CSMD3: variants seen among roughly 807,000 people sequenced by gnomAD.
CSMD3 encodes CUB and sushi domain-containing protein 3.
In CSMD3, 177 loss-of-function variants were observed where a neutral mutation model predicts 435.2. That is an observed-to-expected ratio of 0.41 (90% CI 0.36 to 0.46). The LOEUF is 0.46. Ranked by LOEUF, CSMD3 falls within the 20% of genes least tolerant of loss-of-function variation. The pLI, the probability that CSMD3 is intolerant of heterozygous loss-of-function variation, is 0.34. For synonymous variants in CSMD3, 1,656 were observed against 1,520.5 expected (o/e 1.09, Z -2.07); for missense variants, 4,265 against 4,504.6 (o/e 0.95, Z 1.52).
intron 45 of CSMD3, among the ~76,000 whole-genome samples, chr8:112,329,978 C>T (rs566300368): frequency 2.0e-5 from 3 of 152,068 alleles, no homozygotes; most frequent in African/African-American, 4.8e-5. Flanking sequence ...GATGTCCATA[C>T]CCCCGTTCTC....
At chr8:112,576,358 A>T (rs142510570) in intron 23 of CSMD3, among the ~76,000 whole-genome samples, 4 of 152,204 alleles carry the variant, frequency 2.6e-5, no homozygotes, top group African/African-American at 9.6e-5. Flanking sequence ...CTAACAAAAT[A>T]AGTCAACATT....
At chr8:112,844,825 T>C (rs1356356990) in intron 11 of CSMD3, among the ~76,000 whole-genome samples, 1 of 151,976 alleles carries the variant, frequency 6.6e-6, no homozygotes, top group East Asian at 1.9e-4. Flanking sequence ...TTGCCCAGTC[T>C]CTCTTTTTCC....
Position 112,842,731 on chromosome 8 carries a change from T to C in CSMD3, c.1756-12942A>G, listed in dbSNP as rs552732408. On this transcript the variant is annotated intron_variant, in intron 11 of 70. Coordinates refer to ENST00000297405, the MANE Select transcript of CSMD3 (RefSeq NM_198123.2). ...CAACTAGGTACTTTTTATATTTGTG[T>C]ATTAGTATATGAGGAATTTTAGCAT... Among the ~76,000 whole-genome samples the C allele has an allele frequency of 3.3e-5, 5 of 151,960 alleles. No individual in the cohort carries two copies. In the East Asian group the frequency reaches 9.7e-4, roughly 29 times the overall value.
chr8:112,897,101 C>G (rs111649412), intron 10 of CSMD3, among the ~76,000 whole-genome samples: 3 of 151,542 alleles, frequency 2.0e-5, no homozygotes, highest in African/African-American at 7.2e-5. Flanking sequence ...ATTGTTTGAT[C>G]AGATAAATCT....
chr8:112,771,715 GA>G (rs1376001132), intron 13 of CSMD3, among the ~76,000 whole-genome samples: 2 of 151,910 alleles, frequency 1.3e-5, no homozygotes, highest in African/African-American at 4.8e-5. Context: ...AAAGAAACAA[GA>G]AGGAAACAAC....
intron 65 of CSMD3, among the ~76,000 whole-genome samples, chr8:112,243,019 C>T (rs147382987): frequency 6.6e-6 from 1 of 152,030 alleles, no homozygotes; most frequent in African/African-American, 2.4e-5. Context: ...GGGAGTAAAA[C>T]ATTTACTCAT....
intron 38 of CSMD3, among the ~76,000 whole-genome samples, chr8:112,357,511 A>G (rs1040361086): frequency 3.3e-5 from 5 of 152,244 alleles, no homozygotes; most frequent in Admixed American, 2.6e-4. Context: ...TCGAATGTTA[A>G]TCCCCAAGAC....
intron 35 of CSMD3, among the ~76,000 whole-genome samples, chr8:112,403,034 C>G (rs954124124): frequency 2.0e-5 from 3 of 152,054 alleles, no homozygotes; most frequent in African/African-American, 7.2e-5. Context: ...CCATATTAAC[C>G]CCAGCTCTCT....
chr8:112,403,176 G>A (rs1831485351), intron 35 of CSMD3, among the ~76,000 whole-genome samples: 2 of 152,154 alleles, frequency 1.3e-5, no homozygotes, highest in Admixed American at 1.3e-4. Context: ...TTGGGAAATA[G>A]CTTATAAGTC....
intron 6 of CSMD3, among the ~76,000 whole-genome samples, chr8:112,987,308 T>A (rs1028229332): frequency 2.6e-5 from 4 of 152,152 alleles, no homozygotes; most frequent in African/African-American, 9.7e-5. Flanking sequence ...CTTGCTTCAG[T>A]CATCTGTGAG....
chr8:112,890,095 CA>C (rs1439492500), intron 10 of CSMD3, among the ~76,000 whole-genome samples: 2 of 151,692 alleles, frequency 1.3e-5, no homozygotes, highest in African/African-American at 4.8e-5. Context: ...TACAGTGTCA[CA>C]GTAGTATACT....
At chr8:112,854,039 G>A (rs2080574662) in intron 11 of CSMD3, among the ~76,000 whole-genome samples, 1 of 152,068 alleles carries the variant, frequency 6.6e-6, no homozygotes, top group African/African-American at 2.4e-5. Flanking sequence ...TAATACCACA[G>A]TTTTTACTTT....
chr8:113,353,865 A>G (rs938762573), intron 1 of CSMD3, among the ~76,000 whole-genome samples: 2 of 152,030 alleles, frequency 1.3e-5, no homozygotes, highest in Non-Finnish European at 2.9e-5. Flanking sequence ...TTTAAGAATT[A>G]CTTCATTTCT....
chr8:112,955,629 T>C (rs1401281666), intron 7 of CSMD3, among the ~76,000 whole-genome samples: 1 of 151,812 alleles, frequency 6.6e-6, no homozygotes, highest in African/African-American at 2.4e-5. Flanking sequence ...TCTATCTTAC[T>C]GTATGTAATT....
chr8:113,372,861 G>T (rs2133059704), intron 1 of CSMD3, among the ~76,000 whole-genome samples: 1 of 150,270 alleles, frequency 6.7e-6, no homozygotes, highest in South Asian at 2.1e-4. Flanking sequence ...GTGAACCCGG[G>T]AAGCGGAGCT....
chr8:113,384,685 G>T (rs987775929), intron 1 of CSMD3, among the ~76,000 whole-genome samples: 1 of 152,164 alleles, frequency 6.6e-6, no homozygotes, highest in Non-Finnish European at 1.5e-5. Flanking sequence ...AGTGCTACAA[G>T]AATCTGGAGA....
chr8:112,491,501 T>G (rs914823209), intron 31 of CSMD3, among the ~76,000 whole-genome samples: 2 of 151,798 alleles, frequency 1.3e-5, no homozygotes, highest in African/African-American at 4.8e-5. Context: ...AATACAAAAA[T>G]TATCTGGGTG....
intron 1 of CSMD3, among the ~76,000 whole-genome samples, chr8:113,344,738 G>A (rs1588561809): frequency 6.6e-6 from 1 of 152,068 alleles, no homozygotes; most frequent in Admixed American, 6.6e-5. Context: ...ATCCATAAGT[G>A]AGCCACTCAT....
intron 3 of CSMD3, among the ~76,000 whole-genome samples, chr8:113,240,218 T>A (rs565877066): frequency 6.6e-6 from 1 of 152,194 alleles, no homozygotes; most frequent in African/African-American, 2.4e-5. Flanking sequence ...TAGTATTCCA[T>A]GGTGTACATG....
Sources: gnomAD v4.1 joint callset for allele counts (sites outside exome capture counted in the v4.1 genomes callset) on GRCh38, gnomAD v4.1.1 for gene constraint, MANE v1.5 for transcripts, NCBI Gene and HGNC (gene_info 2026-07-23, HGNC 2026-07-21) for gene names.